Variants in RYR3 observed in about 807,000 individuals in gnomAD.
RYR3 encodes the protein brain ryanodine receptor-calcium release channel.
In RYR3, 207 loss-of-function variants were observed where a neutral mutation model predicts 584.3. That is an observed-to-expected ratio of 0.35 (90% CI 0.32 to 0.40). The LOEUF (loss-of-function observed/expected upper bound fraction) is 0.40. RYR3 is among the 10% of genes least tolerant of loss of function. The pLI is 1.00. For missense variants in RYR3, 5,616 were observed against 6,089.2 expected (o/e 0.92, Z 2.59); for synonymous variants, 2,416 against 2,248.5 (o/e 1.07, Z -2.11).
rs2068685853 is a variant in RYR3 at position 33,728,812 on chromosome 15, T to C, written c.7034-45T>C. Reference sequence around the variant, plus strand: ...AAGCTCTGTGTTATCTTTTGAGACTTTGGAGACAGGAAAAGGGAAATTACA... The same window carrying C: ...AAGCTCTGTGTTATCTTTTGAGACTCTGGAGACAGGAAAAGGGAAATTACA... On this transcript the variant is annotated intron_variant, in intron 46 of 103. Coordinates refer to ENST00000634891, the MANE Select transcript of RYR3 (RefSeq NM_001036.6). 1.9e-6 allele frequency: 3 copies of C among 1,567,016 alleles called. No homozygotes were observed. The Admixed American group carries it at 5.6e-5, about 29-fold the overall frequency.
intron 93 of RYR3, 27 bp from the exon 94 acceptor site, chr15:33,848,264 G>C: frequency 6.2e-7 from 1 of 1,612,656 alleles, no homozygotes. Context: ...AGCCTGCTCT[G>C]AGTAACCATC....
Position 33,452,933 on chromosome 15 carries a change from G to A in RYR3, c.52-20486G>A, listed in dbSNP as rs1452712080. Among the ~76,000 whole-genome samples the A allele has an allele frequency of 3.3e-5, 5 of 152,224 alleles. No individual in the cohort carries two copies. The East Asian group carries it at 5.8e-4, about 18-fold the overall frequency. On this transcript the variant is annotated intron_variant, in intron 1 of 103. Coordinates refer to ENST00000634891, the MANE Select transcript of RYR3 (RefSeq NM_001036.6). ...ACAGCAATCTGTTAGGGTCAATGGAGGCTCAGTCTCTGAATGTTTGACTTG... is the reference window on the plus strand; with the variant it reads ...ACAGCAATCTGTTAGGGTCAATGGAAGCTCAGTCTCTGAATGTTTGACTTG...
At chr15:33,581,045 C>A (rs1182221039) in intron 13 of RYR3, among the ~76,000 whole-genome samples, 1 of 24,894 alleles carries the variant, frequency 4.0e-5, no homozygotes, top group Non-Finnish European at 7.7e-5. Context: ...TTGCAGGGGG[C>A]CGGGGGGGTG....
rs144761880 is a variant in RYR3 at position 33,317,485 on chromosome 15, G to A, written c.51+6389G>A. Among the ~76,000 whole-genome samples, 973 of 152,204 alleles carry A rather than the reference G, an allele frequency of 6.4e-3. 5 individuals are homozygous for A. The highest frequency in any genetic ancestry group is 6.6e-3 in the Non-Finnish European group (448 of 68,010). On this transcript the variant is annotated intron_variant, in intron 1 of 103. Transcript: ENST00000634891. The stretch of plus-strand genomic sequence containing the variant: ...ATCTTCTTGTTTGGAAGTCAGGGGG[G>A]GTGTTTTAGGGACAAAGACATTTCC...
chr15:33,387,672 A>AG (rs1472285600), intron 1 of RYR3, among the ~76,000 whole-genome samples: 2 of 151,916 alleles, frequency 1.3e-5, no homozygotes, highest in Non-Finnish European at 2.9e-5. Context: ...CAAAAAAAAA[A>AG]CAGAAATAGA....
intron 69 of RYR3, among the ~76,000 whole-genome samples, chr15:33,805,571 T>A (rs113115925): frequency 7.3e-5 from 11 of 151,248 alleles, no homozygotes; most frequent in South Asian, 2.1e-4. Context: ...TCCGCCTCCC[T>A]GGTTCACACC....
intron 1 of RYR3, among the ~76,000 whole-genome samples, chr15:33,359,912 G>T (rs998496286): frequency 6.6e-6 from 1 of 151,426 alleles, no homozygotes; most frequent in African/African-American, 2.4e-5. Flanking sequence ...TGAGCCACCG[G>T]GCCCGGCCTC....
intron 67 of RYR3, among the ~76,000 whole-genome samples, chr15:33,795,821 G>A (rs993908054): frequency 5.3e-5 from 8 of 151,838 alleles, no homozygotes; most frequent in Admixed American, 3.9e-4. Context: ...ATGAGCCACC[G>A]CACCCGACCT....
chr15:33,331,310 C>CA (rs199706378), intron 1 of RYR3, among the ~76,000 whole-genome samples: 3,627 of 151,908 alleles, frequency 0.024, 60 homozygotes, highest in Non-Finnish European at 0.037. Flanking sequence ...GTTAAGAAGG[C>CA]AAAAAAATGT....
At chr15:33,613,787 C>T (rs1216979469) in intron 19 of RYR3, among the ~76,000 whole-genome samples, 1 of 152,166 alleles carries the variant, frequency 6.6e-6, no homozygotes, top group East Asian at 1.9e-4. Flanking sequence ...AAATATACAT[C>T]ATTTTTTAAT....
In RYR3 at chr15:33,818,605, G is replaced by A; in HGVS notation, c.10627G>A (p.Glu3543Lys). The change falls in exon 76 of 104, where the codon GAG becomes AAG. Residue 3543 changes from glutamate (E) to lysine (K), a missense_variant. Around this residue, in one of 9 missense-constraint regions of RYR3, gnomAD observed 954 missense variants for 1,132.2 expected, o/e 0.84. Coordinates refer to ENST00000634891, the MANE Select transcript of RYR3 (RefSeq NM_001036.6). ...AKSPKVEEEE[E>K]EETEKQPDPL... ...ATCTCCAAAGGTGGAAGAGGAGGAG[G>A]AGGAAGAGACAGAAAAACAACCTGA... 1 of 1,613,778 alleles carries A rather than the reference G, an allele frequency of 6.2e-7. No individual in the cohort carries two copies. Among genetic ancestry groups the A allele is most frequent in the Non-Finnish European group, 8.5e-7 (1 of 1,179,756 alleles).
rs541972511 is a variant in RYR3, at chr15:33,750,191, A to G, written c.8304A>G (p.Pro2768=). 245 of 1,609,582 alleles carry G rather than the reference A, an allele frequency of 1.5e-4. 4 individuals carry two copies. In the South Asian group the frequency reaches 2.6e-3, roughly 17 times the overall value. ...KGGGSHPLLV[P]YDTLTAKEKF... Reference sequence around the variant, plus strand: ...GTGGCAGCCACCCTCTTCTGGTACCATATGACACCTTGACTGCCAAGGAAA... The same window carrying G: ...GTGGCAGCCACCCTCTTCTGGTACCGTATGACACCTTGACTGCCAAGGAAA... Residue 2768 remains proline (P), a synonymous_variant, in exon 57 of 104, where the codon CCA becomes CCG. Coordinates refer to ENST00000634891, the MANE Select transcript of RYR3 (RefSeq NM_001036.6).
intron 3 of RYR3, among the ~76,000 whole-genome samples, chr15:33,516,305 C>T (rs1412347347): frequency 6.6e-6 from 1 of 151,746 alleles, no homozygotes; most frequent in Non-Finnish European, 1.5e-5. Flanking sequence ...ACATGTATAT[C>T]CCTCTAAACC....
chr15:33,747,637 C>T (rs1293278247), intron 53 of RYR3, among the ~76,000 whole-genome samples: 2 of 152,018 alleles, frequency 1.3e-5, no homozygotes, highest in African/African-American at 4.8e-5. Context: ...GTTGTCCAGC[C>T]TGGTGTCGAA....
intron 40 of RYR3, among the ~76,000 whole-genome samples, chr15:33,698,709 G>C (rs1427167818): frequency 1.3e-5 from 2 of 152,168 alleles, no homozygotes; most frequent in African/African-American, 4.8e-5. Flanking sequence ...ACAGAAGCCA[G>C]GGTCACGTTC....
intron 67 of RYR3, among the ~76,000 whole-genome samples, chr15:33,798,826 A>G (rs1596653350): frequency 6.6e-6 from 1 of 152,336 alleles, no homozygotes; most frequent in East Asian, 1.9e-4. Flanking sequence ...GACTGGAACC[A>G]AGGGCAGTAA....
intron 25 of RYR3, 139 bp downstream of exon 25, chr15:33,634,872 A>T: frequency 1.4e-6 from 1 of 697,442 alleles, no homozygotes; most frequent in Non-Finnish European, 2.4e-6. Context: ...AAATGGTGTG[A>T]TTTTTTTTAT....
intron 1 of RYR3, among the ~76,000 whole-genome samples, chr15:33,460,940 C>T (rs1176594612): frequency 7.6e-5 from 6 of 79,212 alleles, no homozygotes; most frequent in Admixed American, 1.6e-4. Flanking sequence ...TAATATCCAC[C>T]TTTTTTTTTT....
intron 1 of RYR3, among the ~76,000 whole-genome samples, chr15:33,377,035 A>C (rs1178721109): frequency 6.6e-6 from 1 of 152,150 alleles, no homozygotes; most frequent in Non-Finnish European, 1.5e-5. Flanking sequence ...AAACGATGTA[A>C]CCCTTTGTGT....
Sources: gnomAD v4.1 joint callset for allele counts (sites outside exome capture counted in the v4.1 genomes callset) on GRCh38, gnomAD v4.1.1 for gene constraint, gnomAD v4.1.1 regional missense constraint, MANE v1.5 for transcripts, NCBI Gene and HGNC (gene_info 2026-07-23, HGNC 2026-07-21) for gene names.